The following SORBS2 variants were observed in gnomAD, a reference collection of about 807,000 sequenced individuals.
SORBS2 encodes the protein sorbin and SH3 domain containing 2, also known as sorbin and SH3 domain-containing protein 2.
Under a neutral mutation model 97.7 loss-of-function variants are expected in SORBS2, and 46 were observed. The observed-to-expected ratio is 0.47, with a 90% CI of 0.37 to 0.60. The LOEUF is 0.60. SORBS2 is among the 20% of genes least tolerant of loss of function. The probability of loss-of-function intolerance (pLI) is 0.00; values close to 1 mark genes in which losing one functional copy is unlikely to be tolerated. For synonymous variants in SORBS2, 476 were observed against 473.4 expected, an observed-to-expected ratio of 1.01 and a Z score of -0.07; for missense variants, 1,316 against 1,282.3, an observed-to-expected ratio of 1.03 and a Z score of -0.40.
chr4:185,588,814 C>T (rs1266562071), intron 14 of SORBS2, among the ~76,000 whole-genome samples: 1 of 152,118 alleles, frequency 6.6e-6, no homozygotes, highest in Non-Finnish European at 1.5e-5. Context: ...GGGGTTTCAC[C>T]ATGTTGACCA....
intron 1 of SORBS2, among the ~76,000 whole-genome samples, chr4:185,892,282 G>A (rs572662520): frequency 6.6e-6 from 1 of 152,336 alleles, no homozygotes; most frequent in South Asian, 2.1e-4. Context: ...GAACTTGGGA[G>A]TTGTTAATGT....
intron 6 of SORBS2, among the ~76,000 whole-genome samples, chr4:185,626,435 G>T (rs528445389): frequency 2.0e-5 from 3 of 152,290 alleles, no homozygotes; most frequent in South Asian, 4.1e-4. Flanking sequence ...CCAACAATTT[G>T]CTCTGTTGCT....
chr4:185,727,401 C>T (rs2098563262), intron 2 of SORBS2, among the ~76,000 whole-genome samples: 2 of 152,146 alleles, frequency 1.3e-5, no homozygotes, highest in South Asian at 4.1e-4. Flanking sequence ...AAAAGGATTT[C>T]AATAAATTTG....
intron 12 of SORBS2, among the ~76,000 whole-genome samples, chr4:185,601,068 G>A (rs979987616): frequency 1.2e-4 from 19 of 152,160 alleles, no homozygotes; most frequent in African/African-American, 4.6e-4. Flanking sequence ...AATAAAACAC[G>A]CTTAAATAAA....
At chr4:185,629,795 T>C (rs1448100434) in intron 5 of SORBS2, among the ~76,000 whole-genome samples, 3 of 152,020 alleles carry the variant, frequency 2.0e-5, no homozygotes, top group South Asian at 2.1e-4. Flanking sequence ...TCTCTTGACC[T>C]CATGATCTTC....
chr4:185,931,335 C>T (rs1257970067), intron 1 of SORBS2, among the ~76,000 whole-genome samples: 1 of 152,136 alleles, frequency 6.6e-6, no homozygotes, highest in African/African-American at 2.4e-5. Flanking sequence ...TATAATAACT[C>T]TTTTACTGCT....
At position 185,879,345 on chromosome 4, in the gene SORBS2, G is replaced by T. The variant is rs546980219; in HGVS notation, c.-338+76851C>A. Reference sequence around the variant, plus strand: ...TCATCCATGTCCCTACAAAGGACATGAACTCATCATTTTTTATGGCTGCAT... The same window carrying T: ...TCATCCATGTCCCTACAAAGGACATTAACTCATCATTTTTTATGGCTGCAT... On this transcript the variant is annotated intron_variant, in intron 1 of 20. Transcript: ENST00000284776. 9.0e-3 allele frequency among the ~76,000 whole-genome samples: 1,367 copies of T among 152,058 alleles called. 8 individuals are homozygous for T. Among genetic ancestry groups the T allele is most frequent in the Non-Finnish European group, 0.015 (989 of 67,998 alleles).
rs548950922 is a variant in SORBS2 at position 185,744,981 on chromosome 4, C to T, written c.-198+30246G>A. Among the ~76,000 whole-genome samples, 31 of 152,240 alleles carry T rather than the reference C, an allele frequency of 2.0e-4. No individual in the cohort carries two copies. In the South Asian group the frequency reaches 4.4e-3, roughly 21 times the overall value. On this transcript the variant is annotated intron_variant, in intron 2 of 20. Coordinates refer to the SORBS2 transcript ENST00000284776. ...CAAACTGTTCTTTGCCCTGGCTGCC[C>T]GCTGACTTTGTTAGGCAGCTGGTGC...
chr4:185,611,984 T>C lies in SORBS2; in HGVS notation c.2596-4A>G. Reference sequence around the variant, plus strand: ...TAAGAAGAATAACTCTATCTCCCTGTTATGAATATGAGAAAAATGCATTAG... The same window carrying C: ...TAAGAAGAATAACTCTATCTCCCTGCTATGAATATGAGAAAAATGCATTAG... On this transcript the variant is annotated splice_region_variant and splice_polypyrimidine_tract_variant and intron_variant, in intron 11 of 14. Coordinates refer to ENST00000418609, the Ensembl canonical transcript of SORBS2. 1 of 1,551,302 alleles carries C rather than the reference T, an allele frequency of 6.4e-7. No individual in the cohort carries two copies. The highest frequency in any genetic ancestry group is 8.9e-7 in the Non-Finnish European group (1 of 1,124,360).
chr4:185,784,070 T>A (rs2099044112), intron 1 of SORBS2, among the ~76,000 whole-genome samples: 1 of 152,184 alleles, frequency 6.6e-6, no homozygotes, highest in Non-Finnish European at 1.5e-5. Context: ...AGGCAAGGCA[T>A]CCTGTTGAAA....
chr4:185,927,084 T>C (rs1223822675), intron 1 of SORBS2, among the ~76,000 whole-genome samples: 2 of 150,282 alleles, frequency 1.3e-5, no homozygotes, highest in Non-Finnish European at 3.0e-5. Context: ...TTATATAATA[T>C]ATATTACACA....
chr4:185,767,780 T>C (rs994089097), intron 2 of SORBS2, among the ~76,000 whole-genome samples: 3 of 152,182 alleles, frequency 2.0e-5, no homozygotes. Context: ...ACAGGGTCTG[T>C]CCAGCGTTTC....
rs184283568 is a variant in SORBS2 at position 185,714,531 on chromosome 4, G to A, written c.-197-35709C>T. On this transcript the variant is annotated intron_variant, in intron 2 of 20. Transcript: ENST00000284776. ...GAAATGTGTTTCACAACAGCAATTAGGTATACAGGTGTATTAATCTGTTCT... is the reference window on the plus strand; with the variant it reads ...GAAATGTGTTTCACAACAGCAATTAAGTATACAGGTGTATTAATCTGTTCT... Among the ~76,000 whole-genome samples, 30 of 152,112 alleles carry A rather than the reference G, an allele frequency of 2.0e-4. No individual in the cohort carries two copies. The East Asian group carries it at 5.8e-3, about 29-fold the overall frequency.
At chr4:185,742,120 A>C (rs967316381) in intron 2 of SORBS2, among the ~76,000 whole-genome samples, 8 of 152,160 alleles carry the variant, frequency 5.3e-5, no homozygotes, top group Non-Finnish European at 8.8e-5. Context: ...GAAGACGATA[A>C]TCTCTAGCTC....
chr4:185,882,984 CTTAGA>C (rs2099237614), intron 1 of SORBS2, among the ~76,000 whole-genome samples: 2 of 151,836 alleles, frequency 1.3e-5, no homozygotes, highest in South Asian at 4.2e-4. Flanking sequence ...ATTTCACGAC[CTTAGA>C]TTAGAAAAAT....
chr4:185,942,788 A>G (rs10017819), intron 1 of SORBS2, among the ~76,000 whole-genome samples: 19,562 of 152,154 alleles, frequency 0.13, 1,531 homozygotes, highest in Middle Eastern at 0.24. Flanking sequence ...TACAATGTAG[A>G]TAGGGAAAGA....
chr4:185,906,144 C>T (rs1024026218), intron 1 of SORBS2, among the ~76,000 whole-genome samples: 1 of 152,202 alleles, frequency 6.6e-6, no homozygotes, highest in Non-Finnish European at 1.5e-5. Context: ...AGTGATTCTC[C>T]TGCCTCAGCC....
At chr4:185,629,269 C>T (rs1036906118) in intron 5 of SORBS2, among the ~76,000 whole-genome samples, 14 of 152,000 alleles carry the variant, frequency 9.2e-5, no homozygotes, top group Non-Finnish European at 1.8e-4. Flanking sequence ...TGTGTCTTTA[C>T]GGCAATCTGT....
At chr4:185,641,170 T>C (rs573135652) in intron 4 of SORBS2, among the ~76,000 whole-genome samples, 1 of 152,326 alleles carries the variant, frequency 6.6e-6, no homozygotes, top group Admixed American at 6.5e-5. Flanking sequence ...ATATCTACCA[T>C]CTTGCATCAT....
Sources: allele counts gnomAD v4.1 joint callset (sites outside exome capture counted in the v4.1 genomes callset), GRCh38; gene constraint gnomAD v4.1.1; transcripts MANE v1.5; gene names NCBI Gene and HGNC (gene_info 2026-07-23, HGNC 2026-07-21).